Variants in ADGRL4 observed in about 807,000 individuals in gnomAD.
ADGRL4 encodes the protein EGF, latrophilin and seven transmembrane domain containing 1.
In ADGRL4, 90 loss-of-function variants were observed where a neutral mutation model predicts 74.8. The observed-to-expected ratio is 1.20, with a 90% CI of 1.02 to 1.43. The LOEUF (loss-of-function observed/expected upper bound fraction) is 1.43. Ranked by LOEUF, ADGRL4 falls within the 40% of genes most tolerant of loss-of-function variation. ADGRL4 has a pLI of 0.00. For synonymous variants in ADGRL4, 311 were observed against 279.2 expected (o/e 1.11, Z -1.14); for missense variants, 881 against 814.3 (o/e 1.08, Z -1.00).
intron 1 of ADGRL4, 87 bp from the exon 2 acceptor site, chr1:79,005,306 T>C (rs1650936297): frequency 9.6e-7 from 1 of 1,039,156 alleles, no homozygotes; most frequent in East Asian, 3.0e-5. Context: ...AAACATAAAT[T>C]ATCCTCTCTT....
At chr1:78,897,363 A>G (rs1423619492) in intron 12 of ADGRL4, among the ~76,000 whole-genome samples, 2 of 152,080 alleles carry the variant, frequency 1.3e-5, no homozygotes, top group Non-Finnish European at 2.9e-5. Context: ...CTTAATACCT[A>G]ATCAAATTCT....
chr1:78,932,613 C>CA (rs557004722), intron 7 of ADGRL4, among the ~76,000 whole-genome samples: 2,074 of 57,258 alleles, frequency 0.036, 90 homozygotes, highest in African/African-American at 0.091. Flanking sequence ...AAAACCCCTC[C>CA]AAAAAAAAAA....
At chr1:78,999,033 T>G (rs1650782031) in intron 2 of ADGRL4, among the ~76,000 whole-genome samples, 1 of 152,134 alleles carries the variant, frequency 6.6e-6, no homozygotes, top group Non-Finnish European at 1.5e-5. Flanking sequence ...TGAAACTTAC[T>G]TAATAATTAA....
intron 2 of ADGRL4, among the ~76,000 whole-genome samples, chr1:78,995,868 T>C (rs1650702142): frequency 6.6e-6 from 1 of 152,142 alleles, no homozygotes; most frequent in Non-Finnish European, 1.5e-5. Context: ...TTGAAGACTT[T>C]AGCAAAGAAA....
intron 2 of ADGRL4, among the ~76,000 whole-genome samples, chr1:78,958,053 GC>G (rs2100705354): frequency 6.6e-6 from 1 of 152,244 alleles, no homozygotes; most frequent in Non-Finnish European, 1.5e-5. Context: ...TCTGTTTACA[GC>G]ATGGTTTACC....
At position 78,891,562 on chromosome 1, in the gene ADGRL4, T is replaced by G. The variant is rs1648274093; in HGVS notation, c.1972A>C (p.Met658Leu). Residue 658 changes from methionine to leucine, a missense_variant, in exon 14 of 15, where the codon ATG becomes CTG. By Grantham distance (15) the Met-to-Leu change is conservative. Transcript: ENST00000370742. ...LFTVSNAFQG[M>L]FIFLFLCVLS... ...ACACACAGGAATAAAAAAATGAACA[T>G]CCCCTGGAAAGCATTGCTGACTGTG... 6.2e-7 allele frequency: 1 copy of G among 1,613,206 alleles called. No individual in the cohort carries two copies. The highest frequency in any genetic ancestry group is 8.5e-7 in the Non-Finnish European group (1 of 1,179,656).
chr1:78,914,170 G>C (rs1336483461), intron 12 of ADGRL4, among the ~76,000 whole-genome samples: 1 of 151,816 alleles, frequency 6.6e-6, no homozygotes, highest in African/African-American at 2.4e-5. Context: ...ATCATATAAA[G>C]TAGAACCTGC....
At chr1:78,996,634 C>T (rs1222635808) in intron 2 of ADGRL4, among the ~76,000 whole-genome samples, 1 of 152,082 alleles carries the variant, frequency 6.6e-6, no homozygotes, top group African/African-American at 2.4e-5. Flanking sequence ...TTCAGTAAGA[C>T]TTCTATTAGA....
intron 2 of ADGRL4, among the ~76,000 whole-genome samples, chr1:78,966,787 T>G (rs1162811031): frequency 6.6e-6 from 1 of 152,094 alleles, no homozygotes; most frequent in Non-Finnish European, 1.5e-5. Context: ...AATAAGAGCT[T>G]CTTCTCCCAG....
At position 78,920,321 on chromosome 1, in the gene ADGRL4, A is replaced by T; in HGVS notation, c.1323T>A (p.Cys441Ter). Residue 441 changes from cysteine (C) to a stop codon, truncating the protein, a stop_gained, in exon 10 of 15, where the codon TGT becomes TGA. Transcript: ENST00000370742. LOFTEE classifies it high-confidence loss of function. ...TQLGIIISLI[C>*]LAICIFTFWF... ...AGAAGGTAAAAATGCATATGGCAAG[A>T]CAAATCAGTGAAATAATTATTCCTA... 6.2e-7 allele frequency: 1 copy of T among 1,610,046 alleles called. No individual in the cohort carries two copies. The highest frequency in any genetic ancestry group is 8.5e-7 in the Non-Finnish European group (1 of 1,177,010).
chr1:78,967,692 A>C (rs148440310), intron 2 of ADGRL4, among the ~76,000 whole-genome samples: 1,915 of 152,266 alleles, frequency 0.013, 54 homozygotes, highest in African/African-American at 0.044. Context: ...AAAGGGTATT[A>C]TGGTTTTTCT....
chr1:78,947,471 T>C (rs912652411), intron 2 of ADGRL4, among the ~76,000 whole-genome samples: 6 of 152,158 alleles, frequency 3.9e-5, no homozygotes, highest in African/African-American at 1.4e-4. Flanking sequence ...AAGGAAGGAT[T>C]CTTCCCTAGA....
At chr1:78,893,453 T>C (rs1297604554) in intron 12 of ADGRL4, among the ~76,000 whole-genome samples, 1 of 151,914 alleles carries the variant, frequency 6.6e-6, no homozygotes, top group Non-Finnish European at 1.5e-5. Context: ...ATACATTAAG[T>C]TAAATTTTGG....
At chr1:78,984,488 A>C (rs1331196987) in intron 2 of ADGRL4, among the ~76,000 whole-genome samples, 2 of 151,796 alleles carry the variant, frequency 1.3e-5, no homozygotes, top group Non-Finnish European at 2.9e-5. Context: ...TCTGAGAGGT[A>C]AACTTGAGAC....
chr1:78,965,419 G>A (rs958340935), intron 2 of ADGRL4, among the ~76,000 whole-genome samples: 15 of 152,000 alleles, frequency 9.9e-5, no homozygotes, highest in African/African-American at 1.4e-4. Context: ...AGAACAACAC[G>A]CTAACATTAC....
intron 10 of ADGRL4, among the ~76,000 whole-genome samples, chr1:78,918,859 A>C (rs1237884873): frequency 6.6e-6 from 1 of 151,946 alleles, no homozygotes; most frequent in Non-Finnish European, 1.5e-5. Context: ...ATCATTGGCA[A>C]TTAAAATTTG....
intron 2 of ADGRL4, among the ~76,000 whole-genome samples, chr1:78,997,867 G>C (rs1650750322): frequency 6.6e-6 from 1 of 152,110 alleles, no homozygotes; most frequent in Middle Eastern, 3.2e-3. Flanking sequence ...ACGCAGGTGG[G>C]TACAGTAATT....
In ADGRL4 at chr1:78,891,030, T is replaced by A; in HGVS notation, c.*124A>T. On this transcript the variant is annotated 3_prime_UTR_variant, in exon 15 of 15. Coordinates refer to ENST00000370742, the MANE Select transcript of ADGRL4 (RefSeq NM_022159.4). Reference sequence around the variant, plus strand: ...CTATAGCATAAACAGAAAAACTGATTTAAAATACTTTTTGTCTAGTAGTTA... The same window carrying A: ...CTATAGCATAAACAGAAAAACTGATATAAAATACTTTTTGTCTAGTAGTTA... 3.1e-6 allele frequency: 3 copies of A among 978,450 alleles called. No individual in the cohort carries two copies. The highest frequency in any genetic ancestry group is 4.9e-6 in the Non-Finnish European group (3 of 618,110). 60.6% of individuals were successfully genotyped at this position (978,450 alleles called of 1,614,324 possible). A position where few individuals can be genotyped will look rare whatever the true frequency, so the allele number is the denominator to read the frequency against.
intron 10 of ADGRL4, among the ~76,000 whole-genome samples, chr1:78,918,886 G>C (rs1648939345): frequency 6.6e-6 from 1 of 151,916 alleles, no homozygotes; most frequent in African/African-American, 2.4e-5. Flanking sequence ...ACTTTAGCAA[G>C]GAAGTGAGAT....
Sources: gnomAD v4.1 joint callset for allele counts (sites outside exome capture counted in the v4.1 genomes callset) on GRCh38, gnomAD v4.1.1 for gene constraint, MANE v1.5 for transcripts, NCBI Gene and HGNC (gene_info 2026-07-23, HGNC 2026-07-21) for gene names.